RASGEF1C: variants seen among roughly 807,000 people sequenced by gnomAD.
RASGEF1C encodes RasGEF domain family member 1C, also known as ras-GEF domain-containing family member 1C.
A neutral mutation model predicts 58.1 loss-of-function variants in RASGEF1C; 27 were observed. That is an observed-to-expected ratio of 0.46 (90% CI 0.34 to 0.64). RASGEF1C has a LOEUF of 0.64. RASGEF1C is among the 30% of genes least tolerant of loss of function. RASGEF1C has a pLI of 0.01. For missense variants in RASGEF1C, 502 were observed against 605.1 expected (o/e 0.83, Z 1.79); for synonymous variants, 243 against 246.3 (o/e 0.99, Z 0.13).
chr5:180,115,290 TA>T (rs35607645), intron 10 of RASGEF1C: 24,516 of 386,486 alleles, frequency 0.063, 10 homozygotes, highest in South Asian at 0.083. Flanking sequence ...GCCTCCTTTT[TA>T]AAAAAAAAAA....
At chr5:180,111,352 G>C in intron 12 of RASGEF1C, 105 bp downstream of exon 12, 1 of 1,480,532 alleles carries the variant, frequency 6.8e-7, no homozygotes, top group Non-Finnish European at 9.3e-7. Context: ...CAGGTGGGCA[G>C]GGTGCATCCC....
intron 1 of RASGEF1C, among the ~76,000 whole-genome samples, chr5:180,200,459 G>A (rs1399264056): frequency 2.0e-5 from 3 of 151,342 alleles, no homozygotes; most frequent in African/African-American, 4.8e-5. Flanking sequence ...ACAGGCGCCC[G>A]CCACCACGCC....
intron 1 of RASGEF1C, among the ~76,000 whole-genome samples, chr5:180,175,727 C>T (rs546845482): frequency 1.1e-4 from 16 of 152,352 alleles, no homozygotes; most frequent in Non-Finnish European, 1.3e-4. Flanking sequence ...GGGCCGGGCG[C>T]GGTGGCTCAC....
At chr5:180,160,763 C>A (rs1766927587) in intron 1 of RASGEF1C, among the ~76,000 whole-genome samples, 1 of 152,158 alleles carries the variant, frequency 6.6e-6, no homozygotes, top group Non-Finnish European at 1.5e-5. Context: ...AGCAAGAAGC[C>A]ATGCACAGCT....
intron 11 of RASGEF1C, among the ~76,000 whole-genome samples, chr5:180,112,859 C>T (rs1197007262): frequency 1.3e-5 from 2 of 151,856 alleles, no homozygotes; most frequent in African/African-American, 4.8e-5. Flanking sequence ...CAAGGATGGA[C>T]GGAGGGACCG....
chr5:180,180,041 G>C (rs1468993458), intron 1 of RASGEF1C, among the ~76,000 whole-genome samples: 1 of 152,236 alleles, frequency 6.6e-6, no homozygotes, highest in Non-Finnish European at 1.5e-5. Context: ...AGCTAGGCGG[G>C]GGCAGGCCAG....
Position 180,114,536 on chromosome 5 carries a change from G to C in RASGEF1C, c.1089C>G (p.Val363=). ...LTAHSSREKI[V]IPFFSLLIKD... is the part of the protein sequence containing the mutation. ...TGATGAGCAGGCTGAAGAAAGGAAT[G>C]ACAATCTGGAAGAAAGAGGGGGCAG... The change falls in exon 11 of 14, where the codon GTC becomes GTG. Residue 363 remains valine, a synonymous_variant. Transcript: ENST00000361132. 2.5e-6 allele frequency: 4 copies of C among 1,610,070 alleles called. No homozygotes were observed. The highest frequency in any genetic ancestry group is 3.4e-6 in the Non-Finnish European group (4 of 1,177,474).
Position 180,158,737 on chromosome 5 carries a change from G to A in RASGEF1C, c.-6-20679C>T, listed in dbSNP as rs2113298781. 6.6e-6 allele frequency among the ~76,000 whole-genome samples: 1 copy of A among 152,210 alleles called. No individual in the cohort carries two copies. Among genetic ancestry groups the A allele is most frequent in the East Asian group, 1.9e-4 (1 of 5,178 alleles). On this transcript the variant is annotated intron_variant, in intron 1 of 13. Transcript: ENST00000361132. The surrounding 1 kb of genome is among the most constrained non-coding windows in gnomAD (Gnocchi z 4.0). ...TTTCACAAGGACGCACCTTGACACG[G>A]GCCTTTCTATGTCCCTCGTGTGGAG... is the stretch of plus-strand genomic sequence containing the variant.
intron 1 of RASGEF1C, among the ~76,000 whole-genome samples, chr5:180,173,716 C>T (rs569112229): frequency 3.7e-4 from 56 of 152,156 alleles, no homozygotes; most frequent in South Asian, 2.5e-3. Context: ...AGTTTGAGAC[C>T]AGCCTGGCCA....
Position 180,198,177 on chromosome 5 carries a change from G to A in RASGEF1C, c.-7+10851C>T, listed in dbSNP as rs915593126. Among the ~76,000 whole-genome samples the A allele has an allele frequency of 6.6e-5, 10 of 152,228 alleles. No individual in the cohort carries two copies. Among genetic ancestry groups the A allele is most frequent in the Admixed American group, 2.0e-4 (3 of 15,272 alleles). On this transcript the variant is annotated intron_variant, in intron 1 of 13. Coordinates refer to ENST00000361132, the MANE Select transcript of RASGEF1C (RefSeq NM_175062.4). This position sits in a 1 kb window ranked among gnomAD's most constrained non-coding sequence, Gnocchi z 4.5. ...AAGGCCCTAAGGAAACTGGAAACAGGCAGGACAAAAGCGCACCCTTCTGCA... is the reference window on the plus strand; with the variant it reads ...AAGGCCCTAAGGAAACTGGAAACAGACAGGACAAAAGCGCACCCTTCTGCA...
In RASGEF1C at chr5:180,143,563, G is replaced by T. The variant is rs1182537074; in HGVS notation, c.-6-5505C>A. 1.3e-5 allele frequency among the ~76,000 whole-genome samples: 2 copies of T among 152,336 alleles called. No homozygotes were observed. Among genetic ancestry groups the T allele is most frequent in the Admixed American group, 6.5e-5 (1 of 15,308 alleles). ...CGGCTGTACCAGTGAAAACCCACAA[G>T]CTCTGCTGTGCTCTGGGAGCTGGCG... On this transcript the variant is annotated intron_variant, in intron 1 of 13. Coordinates refer to ENST00000361132, the MANE Select transcript of RASGEF1C (RefSeq NM_175062.4). The surrounding 1 kb of genome is among the most constrained non-coding windows in gnomAD (Gnocchi z 4.3).
At position 180,209,147 on chromosome 5, in the gene RASGEF1C, C is replaced by T. The variant is rs1047998078; in HGVS notation, c.-126G>A. Reference sequence around the variant, plus strand: ...GCCGCCGCCGCCGCCGCCGCCGCCGCCGCCCGACCGCCCGGCTCCCAGCGC... The same window carrying T: ...GCCGCCGCCGCCGCCGCCGCCGCCGTCGCCCGACCGCCCGGCTCCCAGCGC... On this transcript the variant is annotated 5_prime_UTR_variant, in exon 1 of 14. Transcript: ENST00000361132. The T allele has an allele frequency of 1.1e-4, 14 of 121,744 alleles. No individual in the cohort carries two copies. Among genetic ancestry groups the T allele is most frequent in the African/African-American group, 3.8e-4 (13 of 34,112 alleles). 7.5% of individuals were successfully genotyped at this position (121,744 alleles called of 1,614,324 possible).
Position 180,209,081 on chromosome 5 carries a change from G to C in RASGEF1C, c.-60C>G, listed in dbSNP as rs910948527. 3 of 140,646 alleles carry C rather than the reference G, an allele frequency of 2.1e-5. No individual in the cohort carries two copies. The highest frequency in any genetic ancestry group is 7.8e-5 in the African/African-American group (3 of 38,604). The allele number at this position is 140,646 out of a possible 1,614,324, so 8.7% of individuals were successfully genotyped here. A position where few individuals can be genotyped will look rare whatever the true frequency, so the allele number is the denominator to read the frequency against. ...CCGGCCCATGGGCAGCTCCCGGTGC[G>C]AGCCTCGGCGCCGCGGACCGGGGCG... On this transcript the variant is annotated 5_prime_UTR_variant, in exon 1 of 14. Coordinates refer to ENST00000361132, the MANE Select transcript of RASGEF1C (RefSeq NM_175062.4).
chr5:180,208,024 G>A (rs1179146056), intron 1 of RASGEF1C, among the ~76,000 whole-genome samples: 1 of 152,174 alleles, frequency 6.6e-6, no homozygotes, highest in Non-Finnish European at 1.5e-5. Context: ...CAGGCAGCAG[G>A]CGGCACACAG....
chr5:180,173,845 G>A lies in RASGEF1C; in HGVS notation c.-7+35183C>T, dbSNP rs186303942. Among the ~76,000 whole-genome samples, 641 of 151,886 alleles carry A rather than the reference G, an allele frequency of 4.2e-3. 6 individuals are homozygous for A. The highest frequency in any genetic ancestry group is 0.026 in the East Asian group (133 of 5,146). ...GGAGAATCGCTTGAGCCCGGGAGGC[G>A]GAGTTTGCAGTGAGCTGAGATTGTG... On this transcript the variant is annotated intron_variant, in intron 1 of 13. Coordinates refer to ENST00000361132, the MANE Select transcript of RASGEF1C (RefSeq NM_175062.4).
intron 1 of RASGEF1C, among the ~76,000 whole-genome samples, chr5:180,152,222 T>C (rs1766757203): frequency 1.3e-5 from 2 of 152,126 alleles, no homozygotes; most frequent in South Asian, 2.1e-4. Flanking sequence ...TTACTGGGTA[T>C]ATACCCAAAG....
At chr5:180,125,523 C>A (rs1766240768) in intron 6 of RASGEF1C, among the ~76,000 whole-genome samples, 1 of 152,244 alleles carries the variant, frequency 6.6e-6, no homozygotes. Flanking sequence ...TGGTTCATGC[C>A]TGTAATCCCA....
chr5:180,147,299 A>G (rs1766673157), intron 1 of RASGEF1C, among the ~76,000 whole-genome samples: 1 of 150,786 alleles, frequency 6.6e-6, no homozygotes, highest in Non-Finnish European at 1.5e-5. Flanking sequence ...ATTCTCTTTT[A>G]TTTATCTCTT....
chr5:180,172,247 GC>G, intron 1 of RASGEF1C, among the ~76,000 whole-genome samples: 1 of 152,072 alleles, frequency 6.6e-6, no homozygotes, highest in Non-Finnish European at 1.5e-5. Flanking sequence ...AGCACTCAGG[GC>G]CCCAGCATGC....
Sources: allele counts gnomAD v4.1 joint callset (sites outside exome capture counted in the v4.1 genomes callset), GRCh38; gene constraint gnomAD v4.1.1; non-coding constraint Gnocchi (gnomAD v3.1); transcripts MANE v1.5; gene names NCBI Gene and HGNC (gene_info 2026-07-23, HGNC 2026-07-21).